Variants in LRMDA observed in about 807,000 individuals in gnomAD.
The protein encoded by LRMDA is leucine-rich melanocyte differentiation-associated protein.
LRMDA carries 18 observed loss-of-function variants against 29.8 expected under a neutral mutation model. That is an observed-to-expected ratio of 0.60 (90% CI 0.42 to 0.90). The LOEUF (loss-of-function observed/expected upper bound fraction) is 0.90. Ranked by LOEUF, LRMDA falls within the 40% of genes least tolerant of loss-of-function variation. The probability of loss-of-function intolerance (pLI) is 0.00; values close to 1 mark genes in which losing one functional copy is unlikely to be tolerated. For synonymous variants in LRMDA, 125 were observed against 109.4 expected (o/e 1.14, Z -0.89); for missense variants, 273 against 273.9 (o/e 1.00, Z 0.02).
intron 2 of LRMDA, among the ~76,000 whole-genome samples, chr10:75,753,039 C>T (rs577317550): frequency 1.3e-5 from 2 of 152,258 alleles, no homozygotes; most frequent in South Asian, 4.2e-4. Flanking sequence ...GAGAAGAGGG[C>T]ACCATGCTGT....
chr10:76,062,851 A>G (rs1564642930), intron 5 of LRMDA, among the ~76,000 whole-genome samples: 1 of 152,180 alleles, frequency 6.6e-6, no homozygotes, highest in Non-Finnish European at 1.5e-5. Flanking sequence ...CAAGCCCCCA[A>G]AGAAAGAGCC....
chr10:75,642,270 T>C (rs1220658348), intron 2 of LRMDA, among the ~76,000 whole-genome samples: 1 of 151,624 alleles, frequency 6.6e-6, no homozygotes. Flanking sequence ...CTGCTAAGCA[T>C]GAACGTTTCC....
chr10:75,497,819 A>C (rs1253495564), intron 2 of LRMDA, among the ~76,000 whole-genome samples: 1 of 152,168 alleles, frequency 6.6e-6, no homozygotes, highest in Non-Finnish European at 1.5e-5. Flanking sequence ...AATCCTGTTG[A>C]ATGTCACTTA....
intron 6 of LRMDA, among the ~76,000 whole-genome samples, chr10:76,396,039 A>G (rs1378645290): frequency 6.6e-6 from 1 of 152,292 alleles, no homozygotes; most frequent in African/African-American, 2.4e-5. Flanking sequence ...GGAATTGATG[A>G]GTTAGTTAAG....
At chr10:75,661,744 C>T (rs139497167) in intron 2 of LRMDA, among the ~76,000 whole-genome samples, 2 of 152,276 alleles carry the variant, frequency 1.3e-5, no homozygotes, top group East Asian at 3.9e-4. Flanking sequence ...ACAGATTGGC[C>T]TTTCCTATGG....
intron 2 of LRMDA, chr10:75,642,637 A>G (rs1008568624): frequency 6.6e-6 from 1 of 152,208 alleles, no homozygotes; most frequent in Admixed American, 6.5e-5. Context: ...TTCCCTATGC[A>G]GTGGATGAAT....
intron 2 of LRMDA, among the ~76,000 whole-genome samples, chr10:75,659,767 C>T (rs922160463): frequency 1.3e-5 from 2 of 152,192 alleles, no homozygotes; most frequent in African/African-American, 4.8e-5. Flanking sequence ...TTGAGATTTG[C>T]TAAGAGAGTA....
Position 75,816,149 on chromosome 10 carries a change from G to T in LRMDA, c.132-219859G>T, listed in dbSNP as rs562092806. 3.3e-5 allele frequency among the ~76,000 whole-genome samples: 5 copies of T among 152,246 alleles called. No homozygotes were observed. The East Asian group carries it at 9.6e-4, about 29-fold the overall frequency. On this transcript the variant is annotated intron_variant, in intron 2 of 6. Transcript: ENST00000611255. ...TGCTACCTGTCATTTTTCCATTATG[G>T]TTTCTTACTTTTAGGTCTTGAAAGT...
intron 6 of LRMDA, among the ~76,000 whole-genome samples, chr10:76,376,153 C>G (rs1036511482): frequency 2.6e-5 from 4 of 151,766 alleles, no homozygotes; most frequent in Non-Finnish European, 4.4e-5. Context: ...CCTCAGCCAC[C>G]CCTCCACCTT....
intron 6 of LRMDA, among the ~76,000 whole-genome samples, chr10:76,448,753 T>C (rs1842377452): frequency 6.6e-6 from 1 of 152,050 alleles, no homozygotes; most frequent in Admixed American, 6.6e-5. Context: ...TTTTCTTCTT[T>C]AGCCTTTTGT....
chr10:76,091,231 T>G (rs1245119711), intron 5 of LRMDA, among the ~76,000 whole-genome samples: 2 of 152,070 alleles, frequency 1.3e-5, no homozygotes, highest in Non-Finnish European at 2.9e-5. Context: ...AGAAATCCTC[T>G]CTTATGCCCA....
chr10:75,455,324 A>G (rs1844502859), intron 2 of LRMDA, among the ~76,000 whole-genome samples: 1 of 152,192 alleles, frequency 6.6e-6, no homozygotes, highest in Non-Finnish European at 1.5e-5. Context: ...GTATACCTTC[A>G]GGTATCGAGA....
intron 5 of LRMDA, among the ~76,000 whole-genome samples, chr10:76,251,557 G>A (rs1473732832): frequency 2.0e-5 from 3 of 152,140 alleles, no homozygotes; most frequent in African/African-American, 7.2e-5. Flanking sequence ...CGGCCCTCCC[G>A]TCGCTTCTAA....
intron 2 of LRMDA, among the ~76,000 whole-genome samples, chr10:75,688,654 T>G (rs986061976): frequency 2.0e-5 from 3 of 152,236 alleles, no homozygotes; most frequent in Non-Finnish European, 4.4e-5. Context: ...TTGCCTCCAA[T>G]TCTGAAGGAG....
intron 2 of LRMDA, among the ~76,000 whole-genome samples, chr10:75,884,596 C>G (rs1452934369): frequency 6.6e-6 from 1 of 152,156 alleles, no homozygotes; most frequent in Non-Finnish European, 1.5e-5. Flanking sequence ...TAGGCTAGAC[C>G]TAGGGACAGG....
At chr10:75,817,065 C>T (rs756785923) in intron 2 of LRMDA, among the ~76,000 whole-genome samples, 33 of 152,162 alleles carry the variant, frequency 2.2e-4, no homozygotes, top group Non-Finnish European at 3.2e-4. Context: ...GCCTCATCAT[C>T]GGTAGTGGTG....
chr10:76,350,091 T>A (rs1004206868), intron 6 of LRMDA, among the ~76,000 whole-genome samples: 1 of 151,730 alleles, frequency 6.6e-6, no homozygotes, highest in Non-Finnish European at 1.5e-5. Context: ...TGTAAAAGGG[T>A]CCTTACATTT....
intron 5 of LRMDA, among the ~76,000 whole-genome samples, chr10:76,175,288 A>G (rs933037477): frequency 3.9e-5 from 6 of 152,108 alleles, no homozygotes; most frequent in Non-Finnish European, 7.4e-5. Context: ...TTGGATTCGA[A>G]CACCAGCTCT....
chr10:75,505,324 A>G (rs973359766), intron 2 of LRMDA, among the ~76,000 whole-genome samples: 3 of 152,136 alleles, frequency 2.0e-5, no homozygotes, highest in Admixed American at 6.5e-5. Context: ...TAGCTGGCTC[A>G]CTAGTATGTT....
Sources: gnomAD v4.1 joint callset for allele counts (sites outside exome capture counted in the v4.1 genomes callset) on GRCh38, gnomAD v4.1.1 for gene constraint, MANE v1.5 for transcripts, NCBI Gene and HGNC (gene_info 2026-07-23, HGNC 2026-07-21) for gene names.